PPP2R5E: variants seen among roughly 807,000 people sequenced by gnomAD.
PPP2R5E encodes the protein protein phosphatase 2 regulatory subunit B'epsilon.
Under a neutral mutation model 65.3 loss-of-function variants are expected in PPP2R5E, and 4 were observed. That is an observed-to-expected ratio of 0.06 (90% confidence interval 0.03 to 0.14). The LOEUF is 0.14. PPP2R5E is among the 10% of genes least tolerant of loss of function. The pLI is 1.00. For synonymous variants in PPP2R5E, 183 were observed against 187.4 expected (o/e 0.98, Z 0.19); for missense variants, 274 against 556.1 (o/e 0.49, Z 5.10).
chr14:63,379,826 C>CTTTTTTT lies in PPP2R5E; in HGVS notation c.1304+2223_1304+2229dup, dbSNP rs558475440. Among the ~76,000 whole-genome samples the CTTTTTTT allele has an allele frequency of 2.5e-3, 248 of 100,264 alleles. 16 individuals are homozygous for CTTTTTTT. The highest frequency in any genetic ancestry group is 0.012 in the African/African-American group (238 of 19,154). 65.8% of individuals were successfully genotyped at this position (100,264 alleles called of 152,430 possible). A position where few individuals can be genotyped will look rare whatever the true frequency, so the allele number is the denominator to read the frequency against. On this transcript the variant is annotated intron_variant, in intron 13 of 13. Transcript: ENST00000337537. The stretch of plus-strand genomic sequence containing the variant: ...TAAGTTGTTCTTCAATATTCTCTCT[C>CTTTTTTT]TTTTTTTTTTTTTTTTTTTTTTTTT...
At chr14:63,495,689 GT>G (rs551361323) in intron 2 of PPP2R5E, among the ~76,000 whole-genome samples, 1 of 151,570 alleles carries the variant, frequency 6.6e-6, no homozygotes, top group African/African-American at 2.4e-5. Context: ...CATTTTTGGG[GT>G]TTTTTTGTTC....
At chr14:63,430,361 A>ACATGCATGCATG (rs1566696321) in intron 3 of PPP2R5E, among the ~76,000 whole-genome samples, 1,810 of 132,368 alleles carry the variant, frequency 0.014, 26 homozygotes, top group African/African-American at 0.061. Flanking sequence ...ATACATACAT[A>ACATGCATGCATG]CATACATACA....
chr14:63,529,149 C>T (rs1487476257), intron 2 of PPP2R5E, among the ~76,000 whole-genome samples: 4 of 152,132 alleles, frequency 2.6e-5, no homozygotes, highest in Non-Finnish European at 5.9e-5. Flanking sequence ...CTAGTAGGAA[C>T]AGGGGTCTCA....
At chr14:63,475,591 A>T (rs571363466) in intron 2 of PPP2R5E, among the ~76,000 whole-genome samples, 3 of 152,204 alleles carry the variant, frequency 2.0e-5, no homozygotes, top group Non-Finnish European at 2.9e-5. Context: ...AGTTTACAAA[A>T]ATTATTTATA....
chr14:63,474,667 C>T (rs1164446016), intron 2 of PPP2R5E, among the ~76,000 whole-genome samples: 1 of 102,712 alleles, frequency 9.7e-6, no homozygotes, highest in Non-Finnish European at 1.9e-5. Flanking sequence ...GAGTGATACC[C>T]CATCTCAAAA....
intron 2 of PPP2R5E, among the ~76,000 whole-genome samples, chr14:63,499,871 T>C (rs1891771512): frequency 2.0e-5 from 3 of 152,268 alleles, no homozygotes; most frequent in Non-Finnish European, 4.4e-5. Flanking sequence ...GTCATTCAGC[T>C]GACTGGTAGC....
At chr14:63,525,293 A>G (rs972750580) in intron 2 of PPP2R5E, among the ~76,000 whole-genome samples, 5 of 152,174 alleles carry the variant, frequency 3.3e-5, no homozygotes, top group African/African-American at 1.2e-4. Flanking sequence ...GGCACACTCA[A>G]TTTTATCACT....
intron 2 of PPP2R5E, among the ~76,000 whole-genome samples, chr14:63,533,970 A>G (rs1893553545): frequency 6.6e-6 from 1 of 152,192 alleles, no homozygotes; most frequent in Admixed American, 6.5e-5. Context: ...AACAAAAGAA[A>G]TAACAATGCT....
chr14:63,386,561 G>A (rs914226641), intron 11 of PPP2R5E, among the ~76,000 whole-genome samples: 5 of 152,178 alleles, frequency 3.3e-5, no homozygotes, highest in African/African-American at 1.2e-4. Context: ...AAAGTGTCAG[G>A]GGAAGGAGGG....
chr14:63,495,003 A>G (rs983522246), intron 2 of PPP2R5E, among the ~76,000 whole-genome samples: 1 of 151,966 alleles, frequency 6.6e-6, no homozygotes, highest in African/African-American at 2.4e-5. Context: ...CAGGAGTTGG[A>G]GACCAGCCTG....
chr14:63,398,544 G>A (rs565452489), intron 5 of PPP2R5E, among the ~76,000 whole-genome samples: 1 of 152,334 alleles, frequency 6.6e-6, no homozygotes, highest in East Asian at 1.9e-4. Context: ...TGTAATCCTA[G>A]CACTTTTGGA....
chr14:63,539,984 G>T lies in PPP2R5E; in HGVS notation c.-7-292C>A, dbSNP rs575907324. ...CTACAAAATTACAAAAATTAGCCGG[G>T]CATGATGGCAGGTGCTTGTAATCTC... is the stretch of plus-strand genomic sequence containing the variant. On this transcript the variant is annotated intron_variant, in intron 1 of 13. Coordinates refer to ENST00000337537, the MANE Select transcript of PPP2R5E (RefSeq NM_006246.5). Among the ~76,000 whole-genome samples, 8 of 151,918 alleles carry T rather than the reference G, an allele frequency of 5.3e-5. No homozygotes were observed. The South Asian group carries it at 1.7e-3, about 32-fold the overall frequency.
At chr14:63,509,096 A>C (rs1892344525) in intron 2 of PPP2R5E, among the ~76,000 whole-genome samples, 1 of 152,126 alleles carries the variant, frequency 6.6e-6, no homozygotes. Context: ...TGAGTCAAAT[A>C]ACTCTTACAC....
intron 2 of PPP2R5E, among the ~76,000 whole-genome samples, chr14:63,472,948 A>G (rs1040572680): frequency 1.3e-5 from 2 of 152,242 alleles, no homozygotes; most frequent in East Asian, 3.8e-4. Flanking sequence ...CAAATTAGCC[A>G]AAAACAATGT....
At chr14:63,518,408 A>AT (rs1004346390) in intron 2 of PPP2R5E, among the ~76,000 whole-genome samples, 2 of 149,304 alleles carry the variant, frequency 1.3e-5, no homozygotes, top group South Asian at 2.1e-4. Flanking sequence ...TGCCAGGCTA[A>AT]TTTTTTTTTT....
chr14:63,403,861 A>G (rs1259119078), intron 5 of PPP2R5E, among the ~76,000 whole-genome samples: 1 of 152,212 alleles, frequency 6.6e-6, no homozygotes, highest in Non-Finnish European at 1.5e-5. Context: ...CATGTATACA[A>G]TAGTACTCAT....
intron 2 of PPP2R5E, among the ~76,000 whole-genome samples, chr14:63,489,888 G>A (rs1175792049): frequency 3.9e-5 from 6 of 151,944 alleles, no homozygotes; most frequent in African/African-American, 7.2e-5. Context: ...ACTGGCACAC[G>A]CACAGCCACA....
chr14:63,420,706 T>TA (rs1450157114), intron 4 of PPP2R5E, among the ~76,000 whole-genome samples: 1 of 152,186 alleles, frequency 6.6e-6, no homozygotes, highest in Non-Finnish European at 1.5e-5. Flanking sequence ...GAAAAACTCT[T>TA]AGAATATCTC....
intron 2 of PPP2R5E, among the ~76,000 whole-genome samples, chr14:63,480,596 C>T (rs1890648475): frequency 6.6e-6 from 1 of 152,192 alleles, no homozygotes; most frequent in African/African-American, 2.4e-5. Context: ...CAGGCACAAG[C>T]CACCATGCCC....
Sources: allele counts gnomAD v4.1 joint callset (sites outside exome capture counted in the v4.1 genomes callset), GRCh38; gene constraint gnomAD v4.1.1; transcripts MANE v1.5; gene names NCBI Gene and HGNC (gene_info 2026-07-23, HGNC 2026-07-21).